The following ZFHX4 variants were observed in gnomAD, a reference collection of about 807,000 sequenced individuals.
ZFHX4 encodes the protein zinc finger homeobox protein 4.
A neutral mutation model predicts 267.6 loss-of-function variants in ZFHX4; 56 were observed. The ratio of observed to expected loss-of-function variants is 0.21; its 90% CI spans 0.17 to 0.26. The LOEUF (loss-of-function observed/expected upper bound fraction) is 0.26, where lower values mean the gene tolerates loss of function less well. Among genes scored for constraint, ZFHX4 ranks in the 10% least tolerant of loss-of-function variants. ZFHX4 has a pLI of 1.00. For synonymous variants in ZFHX4, 1,778 were observed against 1,665.6 expected, an observed-to-expected ratio of 1.07 and a Z score of -1.64; for missense variants, 4,332 against 4,420.0, an observed-to-expected ratio of 0.98 and a Z score of 0.56.
chr8:76,715,936 A>G (rs905613623), intron 3 of ZFHX4, among the ~76,000 whole-genome samples: 1 of 152,188 alleles, frequency 6.6e-6, no homozygotes, highest in African/African-American at 2.4e-5. Flanking sequence ...TGTTAGGACT[A>G]TATTTTTCCA....
intron 2 of ZFHX4, 124 bp from the exon 3 acceptor site, chr8:76,707,422 C>A: frequency 1.1e-6 from 1 of 879,290 alleles, no homozygotes; most frequent in Non-Finnish European, 1.7e-6. Context: ...AATCCTATTA[C>A]AGCTTTTTAT....
intron 3 of ZFHX4, among the ~76,000 whole-genome samples, chr8:76,753,340 C>T (rs1809672732): frequency 6.6e-6 from 1 of 152,092 alleles, no homozygotes; most frequent in African/African-American, 2.4e-5. Context: ...TGCTACAGGG[C>T]ATATATCCAA....
At position 76,694,564 on chromosome 8, in the gene ZFHX4, C is replaced by A. The variant is rs530453874; in HGVS notation, c.-46-9479C>A. Reference sequence around the variant, plus strand: ...AAGGGACCTTTAAGAGACAGTCAGCCGGCTGGTTTGCACTGGGGCAGAGGT... The same window carrying A: ...AAGGGACCTTTAAGAGACAGTCAGCAGGCTGGTTTGCACTGGGGCAGAGGT... On this transcript the variant is annotated intron_variant, in intron 1 of 10. Coordinates refer to ENST00000651372, the MANE Select transcript of ZFHX4 (RefSeq NM_024721.5). Among the ~76,000 whole-genome samples, 6 of 152,040 alleles carry A rather than the reference C, an allele frequency of 3.9e-5. No individual in the cohort carries two copies. The East Asian group carries it at 7.8e-4, about 20-fold the overall frequency.
intron 1 of ZFHX4, among the ~76,000 whole-genome samples, chr8:76,695,253 A>AT (rs1807927202): frequency 1.3e-5 from 2 of 152,186 alleles, no homozygotes; most frequent in African/African-American, 4.8e-5. Flanking sequence ...CAGGTTCATC[A>AT]ATTTCAAAAC....
chr8:76,735,616 G>T (rs1412013818), intron 3 of ZFHX4, among the ~76,000 whole-genome samples: 2 of 152,010 alleles, frequency 1.3e-5, no homozygotes, highest in Admixed American at 6.6e-5. Flanking sequence ...TGTTTCTGTG[G>T]AATATGAACA....
In ZFHX4 at chr8:76,704,864, A is replaced by G. The variant is rs757558402; in HGVS notation, c.776A>G (p.Asn259Ser). ...NSCVSKDVPNNVDLSKFDGCV... is the reference protein window; with the variant it reads ...NSCVSKDVPNSVDLSKFDGCV... ...TGTGTGTCCAAAGATGTCCCTAACA[A>G]TGTGGACTTGTCCAAATTCGATGGT... Residue 259 changes from asparagine (N) to serine (S), a missense_variant, in exon 2 of 11, where the codon AAT (asparagine) becomes AGT (serine). By Grantham distance (46) the Asn-to-Ser change is conservative. This residue lies in a region of ZFHX4 where 1,195 missense variants were observed against 1,173.6 expected (regional missense o/e 1.02). Coordinates refer to ENST00000651372, the MANE Select transcript of ZFHX4 (RefSeq NM_024721.5). The G allele has an allele frequency of 1.9e-6, 3 of 1,614,094 alleles. No homozygotes were observed. Among genetic ancestry groups the G allele is most frequent in the African/African-American group, 2.7e-5 (2 of 74,940 alleles).
intron 1 of ZFHX4, among the ~76,000 whole-genome samples, chr8:76,698,254 T>C (rs1239079098): frequency 3.3e-5 from 5 of 152,124 alleles, no homozygotes; most frequent in Non-Finnish European, 7.4e-5. Flanking sequence ...AATTATTGGG[T>C]CCATCTTGCA....
intron 3 of ZFHX4, among the ~76,000 whole-genome samples, chr8:76,736,053 CTTAT>C (rs1809150396): frequency 6.6e-6 from 1 of 151,612 alleles, no homozygotes; most frequent in African/African-American, 2.4e-5. Flanking sequence ...TCATCTTTGC[CTTAT>C]TTATTTTGAA....
chr8:76,725,037 G>T (rs1182057946), intron 3 of ZFHX4, among the ~76,000 whole-genome samples: 2 of 152,050 alleles, frequency 1.3e-5, no homozygotes, highest in Non-Finnish European at 2.9e-5. Flanking sequence ...AGATATTGAT[G>T]TGTGTATATA....
At chr8:76,762,969 G>A (rs1474665654) in intron 3 of ZFHX4, among the ~76,000 whole-genome samples, 1 of 152,146 alleles carries the variant, frequency 6.6e-6, no homozygotes, top group Non-Finnish European at 1.5e-5. Context: ...ATCTGTCCTT[G>A]ACACTTTACT....
chr8:76,705,090 C>T lies in ZFHX4; in HGVS notation c.1002C>T (p.Ser334=), dbSNP rs1808214085. ...GIGKDKEPLI[S]FLEPKKSTSV... Reference sequence around the variant, plus strand: ...GCAAAGACAAAGAACCTCTTATAAGCTTTCTGGAACCAAAAAAATCCACTT... The same window carrying T: ...GCAAAGACAAAGAACCTCTTATAAGTTTTCTGGAACCAAAAAAATCCACTT... The change falls in exon 2 of 11, where the codon AGC becomes AGT. Residue 334 remains serine, a synonymous_variant. Coordinates refer to ENST00000651372, the MANE Select transcript of ZFHX4 (RefSeq NM_024721.5). 20 of 1,613,712 alleles carry T rather than the reference C, an allele frequency of 1.2e-5. No individual in the cohort carries two copies. Among genetic ancestry groups the T allele is most frequent in the Non-Finnish European group, 1.6e-5 (19 of 1,179,866 alleles).
Position 76,863,827 on chromosome 8 carries a change from T to C in ZFHX4, c.10113T>C (p.Ser3371=). ...CTTCAGAAACAAAGGAAGACAAAAG[T>C]ACTGCTACAGAAAGCACAAAAGAAG... ...NDASETKEDK[S]TATESTKEEP... The change falls in exon 11 of 11, where the codon AGT becomes AGC. Residue 3371 remains serine, a synonymous_variant. Coordinates refer to ENST00000651372, the MANE Select transcript of ZFHX4 (RefSeq NM_024721.5). The C allele has an allele frequency of 6.4e-7, 1 of 1,552,920 alleles. No homozygotes were observed. The highest frequency in any genetic ancestry group is 8.7e-7 in the Non-Finnish European group (1 of 1,147,520).
At chr8:76,842,841 C>G (rs1812271828) in intron 6 of ZFHX4, 70 bp downstream of exon 6, 1 of 1,067,526 alleles carries the variant, frequency 9.4e-7, no homozygotes, top group Non-Finnish European at 1.4e-6. Flanking sequence ...CTTCCTTCAC[C>G]ATCCCCCCAC....
intron 4 of ZFHX4, among the ~76,000 whole-genome samples, chr8:76,817,146 G>A (rs1049666281): frequency 2.0e-5 from 3 of 152,100 alleles, no homozygotes; most frequent in African/African-American, 7.2e-5. Context: ...GATTGTTGGA[G>A]CTTAATAGGC....
intron 10 of ZFHX4, 80 bp from the exon 11 acceptor site, chr8:76,863,014 T>G: frequency 7.0e-7 from 1 of 1,436,998 alleles, no homozygotes; most frequent in Non-Finnish European, 9.1e-7. Context: ...CTTAGTGAGT[T>G]CTATTTAGGT....
At chr8:76,708,379 T>G in intron 3 of ZFHX4, 1 of 245,006 alleles carries the variant, frequency 4.1e-6, no homozygotes, top group Non-Finnish European at 7.9e-6. Flanking sequence ...TTTTTGAACC[T>G]AGCACCACTC....
At chr8:76,689,709 G>A (rs1039303960) in intron 1 of ZFHX4, among the ~76,000 whole-genome samples, 1 of 152,042 alleles carries the variant, frequency 6.6e-6, no homozygotes, top group African/African-American at 2.4e-5. Context: ...TTTCATATTT[G>A]ACATACAATC....
intron 3 of ZFHX4, among the ~76,000 whole-genome samples, chr8:76,744,621 C>A (rs1399209439): frequency 6.6e-6 from 1 of 151,964 alleles, no homozygotes; most frequent in Admixed American, 6.6e-5. Flanking sequence ...CCGTGTTGGC[C>A]AGGCAGGTCT....
rs769447201 is a variant in ZFHX4 at position 76,705,440 on chromosome 8, G to A, written c.1352G>A (p.Ser451Asn). 34 of 1,613,660 alleles carry A rather than the reference G, an allele frequency of 2.1e-5. No homozygotes were observed. The Admixed American group carries it at 5.3e-4, about 25-fold the overall frequency. Residue 451 changes from serine to asparagine, a missense_variant, in exon 2 of 11, where the codon AGC becomes AAC. Transcript: ENST00000651372. ...QENNCERPKE[S>N]NVLHPNGECP... is the part of the protein sequence containing the mutation. Reference sequence around the variant, plus strand: ...AACAACTGTGAAAGGCCAAAAGAAAGCAACGTTTTACACCCAAACGGGGAG... The same window carrying A: ...AACAACTGTGAAAGGCCAAAAGAAAACAACGTTTTACACCCAAACGGGGAG...
Sources: gnomAD v4.1 joint callset for allele counts (sites outside exome capture counted in the v4.1 genomes callset) on GRCh38, gnomAD v4.1.1 for gene constraint, gnomAD v4.1.1 regional missense constraint, MANE v1.5 for transcripts, NCBI Gene and HGNC (gene_info 2026-07-23, HGNC 2026-07-21) for gene names.